HPSE2: variants seen among roughly 807,000 people sequenced by gnomAD.
The protein encoded by HPSE2 is heparanase 2 (inactive), also known as inactive heparanase-2.
A neutral mutation model predicts 60.5 loss-of-function variants in HPSE2; 38 were observed. The observed-to-expected ratio is 0.63, with a 90% CI of 0.48 to 0.82. The LOEUF (loss-of-function observed/expected upper bound fraction) is 0.82. Among genes scored for constraint, HPSE2 ranks in the 40% least tolerant of loss-of-function variants. The pLI, the probability that HPSE2 is intolerant of heterozygous loss-of-function variation, is 0.00. For synonymous variants in HPSE2, 295 were observed against 293.2 expected (o/e 1.01, Z -0.06); for missense variants, 713 against 740.4 (o/e 0.96, Z 0.43).
chr10:99,012,097 A>AT lies in HPSE2; in HGVS notation c.610+132140dup, dbSNP rs1416193029. Among the ~76,000 whole-genome samples the AT allele has an allele frequency of 3.0e-4, 46 of 152,016 alleles. 1 individual carries two copies. Among genetic ancestry groups the AT allele is most frequent in the African/African-American group, 1.1e-3 (45 of 41,552 alleles). On this transcript the variant is annotated intron_variant, in intron 3 of 11. Coordinates refer to ENST00000370552, the MANE Select transcript of HPSE2 (RefSeq NM_021828.5). ...ATATAATTTAATACTTAAAAATAAT[A>AT]TAGCTAAATTATTTTATAATATTTA...
chr10:98,742,165 C>G (rs892521140), intron 4 of HPSE2, among the ~76,000 whole-genome samples: 4 of 152,124 alleles, frequency 2.6e-5, no homozygotes, highest in Non-Finnish European at 5.9e-5. Context: ...GAGACTCCTA[C>G]AGTCATGGTA....
chr10:98,663,355 C>T (rs692774), intron 6 of HPSE2, among the ~76,000 whole-genome samples: 28,109 of 151,912 alleles, frequency 0.19, 3,089 homozygotes, highest in East Asian at 0.34. Flanking sequence ...TGAAAAAAAC[C>T]TAATAAGGGA....
intron 3 of HPSE2, among the ~76,000 whole-genome samples, chr10:98,871,464 T>C (rs1255132468): frequency 6.6e-6 from 1 of 152,070 alleles, no homozygotes; most frequent in African/African-American, 2.4e-5. Flanking sequence ...CTAAAATTTC[T>C]TGGCTTATTA....
At chr10:98,963,131 A>G (rs1201355813) in intron 3 of HPSE2, among the ~76,000 whole-genome samples, 1 of 152,192 alleles carries the variant, frequency 6.6e-6, no homozygotes, top group Non-Finnish European at 1.5e-5. Flanking sequence ...ATTACTCACT[A>G]TTTAAATATC....
chr10:98,959,737 G>A (rs1310142513), intron 3 of HPSE2, among the ~76,000 whole-genome samples: 1 of 152,140 alleles, frequency 6.6e-6, no homozygotes, highest in Non-Finnish European at 1.5e-5. Flanking sequence ...CAGATTGGGG[G>A]TGGAGGCCTT....
intron 6 of HPSE2, among the ~76,000 whole-genome samples, chr10:98,686,604 T>C (rs375992024): frequency 1.3e-5 from 2 of 152,228 alleles, no homozygotes; most frequent in African/African-American, 4.8e-5. Flanking sequence ...GAAGTCTCGC[T>C]ATGTTGCTCA....
At chr10:98,526,985 T>G (rs1942986718) in intron 9 of HPSE2, among the ~76,000 whole-genome samples, 1 of 152,156 alleles carries the variant, frequency 6.6e-6, no homozygotes, top group South Asian at 2.1e-4. Flanking sequence ...TGTGCAGTAT[T>G]GATGTGATTT....
At chr10:99,208,036 TAAG>T (rs1039508476) in intron 2 of HPSE2, among the ~76,000 whole-genome samples, 2 of 149,004 alleles carry the variant, frequency 1.3e-5, no homozygotes, top group African/African-American at 4.9e-5. Flanking sequence ...TATTATAATA[TAAG>T]AAGTTATACT....
At chr10:98,504,789 C>CAA (rs60134699) in intron 9 of HPSE2, among the ~76,000 whole-genome samples, 19 of 61,942 alleles carry the variant, frequency 3.1e-4, no homozygotes, top group African/African-American at 4.8e-4. Context: ...GACTCCGTCT[C>CAA]AAAAAAAAAA....
chr10:99,211,928 A>C (rs961637039), intron 2 of HPSE2, among the ~76,000 whole-genome samples: 2 of 152,168 alleles, frequency 1.3e-5, no homozygotes, highest in African/African-American at 4.8e-5. Context: ...AAAAAATGAG[A>C]AAATATTTGC....
At chr10:98,985,831 G>C (rs1280997310) in intron 3 of HPSE2, among the ~76,000 whole-genome samples, 2 of 151,918 alleles carry the variant, frequency 1.3e-5, no homozygotes, top group Non-Finnish European at 2.9e-5. Context: ...AAAAAGGCAG[G>C]GGTTGCAATC....
At chr10:99,009,874 T>A (rs1234486274) in intron 3 of HPSE2, among the ~76,000 whole-genome samples, 1 of 152,206 alleles carries the variant, frequency 6.6e-6, no homozygotes, top group East Asian at 1.9e-4. Context: ...ATAACTTCAA[T>A]AACAAAAACG....
chr10:98,972,002 A>C (rs1955967125), intron 3 of HPSE2, among the ~76,000 whole-genome samples: 1 of 152,092 alleles, frequency 6.6e-6, no homozygotes, highest in South Asian at 2.1e-4. Flanking sequence ...TTAACAAATC[A>C]TTGTATCTAT....
chr10:98,605,882 A>G (rs1248904697), intron 9 of HPSE2, among the ~76,000 whole-genome samples: 1 of 152,170 alleles, frequency 6.6e-6, no homozygotes, highest in Non-Finnish European at 1.5e-5. Flanking sequence ...CAGCCTTTGC[A>G]GATGCTGTTC....
chr10:99,069,920 T>C (rs1010695188), intron 3 of HPSE2, among the ~76,000 whole-genome samples: 1 of 151,906 alleles, frequency 6.6e-6, no homozygotes, highest in Non-Finnish European at 1.5e-5. Flanking sequence ...AGAGGGAAAG[T>C]GGGATATGGG....
intron 6 of HPSE2, among the ~76,000 whole-genome samples, chr10:98,674,989 A>G (rs1947600173): frequency 6.6e-6 from 1 of 152,194 alleles, no homozygotes; most frequent in African/African-American, 2.4e-5. Flanking sequence ...CATACTAAAC[A>G]TTTAGAAATG....
intron 10 of HPSE2, among the ~76,000 whole-genome samples, chr10:98,484,645 G>A (rs1941374427): frequency 6.6e-6 from 1 of 152,100 alleles, no homozygotes; most frequent in South Asian, 2.1e-4. Flanking sequence ...TATTTACATT[G>A]TATTTTAATA....
At chr10:98,896,581 G>T (rs939945548) in intron 3 of HPSE2, among the ~76,000 whole-genome samples, 3 of 152,052 alleles carry the variant, frequency 2.0e-5, no homozygotes, top group African/African-American at 7.2e-5. Context: ...TTCACATTAG[G>T]AAACTAGAGA....
intron 6 of HPSE2, among the ~76,000 whole-genome samples, chr10:98,653,462 G>T: frequency 6.7e-6 from 1 of 148,378 alleles, no homozygotes; most frequent in South Asian, 2.1e-4. Flanking sequence ...TTTTAATTGA[G>T]CATTTTATAT....
Sources: allele counts gnomAD v4.1 joint callset (sites outside exome capture counted in the v4.1 genomes callset), GRCh38; gene constraint gnomAD v4.1.1; transcripts MANE v1.5; gene names NCBI Gene and HGNC (gene_info 2026-07-23, HGNC 2026-07-21).